The following RORB variants were observed in gnomAD, a reference collection of about 807,000 sequenced individuals.
The protein encoded by RORB is nuclear receptor ROR-beta.
Under a neutral mutation model 59.1 loss-of-function variants are expected in RORB, and 6 were observed. The observed-to-expected ratio is 0.10, with a 90% CI of 0.06 to 0.20. The LOEUF is 0.20. RORB is among the 10% of genes least tolerant of loss of function. The pLI is 1.00. For missense variants in RORB, 320 were observed against 560.5 expected (o/e 0.57, Z 4.33); for synonymous variants, 215 against 204.5 (o/e 1.05, Z -0.44).
intron 1 of RORB, 167 bp from the exon 2 acceptor site, chr9:74,630,115 C>A: frequency 2.4e-6 from 1 of 416,952 alleles, no homozygotes; most frequent in Non-Finnish European, 3.2e-6. Context: ...TTAGAAGAAG[C>A]TTAGGACAGC....
chr9:74,598,017 G>A (rs1166924518), intron 1 of RORB, among the ~76,000 whole-genome samples: 1 of 151,924 alleles, frequency 6.6e-6, no homozygotes, highest in East Asian at 1.9e-4. Flanking sequence ...TATACATTAG[G>A]TTAAATAAAA....
intron 1 of RORB, among the ~76,000 whole-genome samples, chr9:74,548,727 T>A (rs1826542427): frequency 1.3e-5 from 2 of 152,104 alleles, no homozygotes; most frequent in African/African-American, 4.8e-5. Flanking sequence ...TGCAGAAACA[T>A]AAAGAAAAAA....
intron 8 of RORB, among the ~76,000 whole-genome samples, chr9:74,671,467 C>T (rs547966055): frequency 6.6e-6 from 1 of 152,240 alleles, no homozygotes; most frequent in African/African-American, 2.4e-5. Context: ...CTAACTTCTA[C>T]TTTGAAAGAA....
At chr9:74,556,993 T>C (rs556991112) in intron 1 of RORB, among the ~76,000 whole-genome samples, 2 of 152,176 alleles carry the variant, frequency 1.3e-5, no homozygotes, top group Non-Finnish European at 2.9e-5. Flanking sequence ...ATGGTAGATA[T>C]GTCCTTGCCT....
intron 1 of RORB, among the ~76,000 whole-genome samples, chr9:74,627,096 A>G (rs1192000376): frequency 6.7e-6 from 1 of 149,834 alleles, no homozygotes; most frequent in East Asian, 2.0e-4. Flanking sequence ...GGGGAGGCGG[A>G]GGTTGCAGTG....
intron 9 of RORB, among the ~76,000 whole-genome samples, chr9:74,674,026 T>C (rs938350046): frequency 1.3e-5 from 2 of 152,198 alleles, no homozygotes; most frequent in African/African-American, 4.8e-5. Flanking sequence ...AGTCTCACAT[T>C]TGTCCATTAT....
intron 5 of RORB, 88 bp downstream of exon 5, chr9:74,660,826 G>A (rs931465637): frequency 1.5e-6 from 2 of 1,370,120 alleles, no homozygotes; most frequent in African/African-American, 2.9e-5. Context: ...GTTGCACTGG[G>A]CAATTCTTTT....
At chr9:74,590,118 A>G (rs1822864899) in intron 1 of RORB, among the ~76,000 whole-genome samples, 2 of 152,340 alleles carry the variant, frequency 1.3e-5, no homozygotes, top group South Asian at 4.1e-4. Flanking sequence ...TGCTGGGCAC[A>G]TAGTAAGCTC....
At chr9:74,635,725 A>G (rs1016971271) in intron 3 of RORB, among the ~76,000 whole-genome samples, 3 of 152,170 alleles carry the variant, frequency 2.0e-5, no homozygotes, top group South Asian at 2.1e-4. Context: ...TTCTGTCTTT[A>G]TGTCAGTCAG....
At chr9:74,593,264 C>T (rs1210440885) in intron 1 of RORB, among the ~76,000 whole-genome samples, 7 of 151,888 alleles carry the variant, frequency 4.6e-5, no homozygotes, top group African/African-American at 1.5e-4. Flanking sequence ...GTCAGGAGTT[C>T]GAGACCATCC....
intron 1 of RORB, among the ~76,000 whole-genome samples, chr9:74,623,028 A>G (rs988125195): frequency 6.6e-6 from 1 of 152,222 alleles, no homozygotes; most frequent in African/African-American, 2.4e-5. Context: ...ATGAGACAGG[A>G]CAGCTTTTCA....
intron 1 of RORB, among the ~76,000 whole-genome samples, chr9:74,598,095 T>G (rs1049075669): frequency 1.3e-5 from 2 of 152,222 alleles, no homozygotes; most frequent in African/African-American, 2.4e-5. Context: ...AAAATTTGAA[T>G]TCCATATATA....
At chr9:74,546,630 GACCACT>G (rs1029314856) in intron 1 of RORB, among the ~76,000 whole-genome samples, 3 of 152,322 alleles carry the variant, frequency 2.0e-5, no homozygotes, top group African/African-American at 7.2e-5. Context: ...GTGGCAGATA[GACCACT>G]AGGAACTGAG....
In RORB at chr9:74,686,874, A is replaced by G. The variant is rs968939341; in HGVS notation, c.*1256A>G. The G allele has an allele frequency of 2.0e-5, 3 of 152,480 alleles. No individual in the cohort carries two copies. Among genetic ancestry groups the G allele is most frequent in the Non-Finnish European group, 1.5e-5 (1 of 68,030 alleles). The allele number at this position is 152,480 out of a possible 1,614,324, so 9.4% of individuals were successfully genotyped here. The stretch of plus-strand genomic sequence containing the variant: ...TAAAAATGTAGCAAAAACTTGACAG[A>G]CTAGAAAAAAAAAGATCTGTGTTAT... On this transcript the variant is annotated 3_prime_UTR_variant, in exon 10 of 10. Transcript: ENST00000376896.
At chr9:74,662,629 G>A (rs184041190) in intron 6 of RORB, 23 bp downstream of exon 6, 10 of 1,610,744 alleles carry the variant, frequency 6.2e-6, no homozygotes, top group African/African-American at 2.7e-5. Flanking sequence ...ATTCATGGGA[G>A]GCCTATTTCA....
chr9:74,498,835 C>T, intron 1 of RORB: 2 of 162,172 alleles, frequency 1.2e-5, no homozygotes, highest in Non-Finnish European at 2.6e-5. Context: ...GCGGCGGCGG[C>T]GGCGGGACCC....
At chr9:74,631,506 A>T (rs1420273678) in intron 2 of RORB, among the ~76,000 whole-genome samples, 3 of 152,232 alleles carry the variant, frequency 2.0e-5, no homozygotes, top group Non-Finnish European at 4.4e-5. Flanking sequence ...AATATAAACA[A>T]GGCAAAACAC....
chr9:74,589,789 A>G (rs1028330995), intron 1 of RORB, among the ~76,000 whole-genome samples: 1 of 152,208 alleles, frequency 6.6e-6, no homozygotes, highest in Admixed American at 6.5e-5. Context: ...AACCACAAGC[A>G]TCAGGTCTTC....
rs761778524 is a variant in RORB at position 74,660,888 on chromosome 9, A to C, written c.759+150A>C. 7.3e-5 allele frequency: 53 copies of C among 726,042 alleles called. No individual in the cohort carries two copies. In the Middle Eastern group the frequency reaches 1.1e-3, roughly 15 times the overall value. 45.0% of individuals were successfully genotyped at this position (726,042 alleles called of 1,614,324 possible). On this transcript the variant is annotated intron_variant, in intron 5 of 9. Transcript: ENST00000376896. ...GATACTTACCAGCATCCCTGGCCCT[A>C]CCCACTAGATGTGCCATCGCCCTCA...
Sources: allele counts gnomAD v4.1 joint callset (sites outside exome capture counted in the v4.1 genomes callset), GRCh38; gene constraint gnomAD v4.1.1; transcripts MANE v1.5; gene names NCBI Gene and HGNC (gene_info 2026-07-23, HGNC 2026-07-21).